Variants in NAP1L4 observed in about 807,000 individuals in gnomAD.
NAP1L4 encodes the protein nucleosome assembly protein 1-like 4.
NAP1L4 carries 15 observed loss-of-function variants against 58.2 expected under a neutral mutation model. The ratio of observed to expected loss-of-function variants is 0.26; its 90% CI spans 0.17 to 0.40. NAP1L4 has a LOEUF of 0.40. NAP1L4 is among the 10% of genes least tolerant of loss of function. The probability of loss-of-function intolerance (pLI) is 1.00; values close to 1 mark genes in which losing one functional copy is unlikely to be tolerated. For synonymous variants in NAP1L4, 171 were observed against 155.6 expected, an observed-to-expected ratio of 1.10 and a Z score of -0.74; for missense variants, 384 against 451.1, an observed-to-expected ratio of 0.85 and a Z score of 1.35.
intron 4 of NAP1L4, among the ~76,000 whole-genome samples, chr11:2,975,426 C>G (rs565729019): frequency 6.6e-6 from 1 of 152,078 alleles, no homozygotes; most frequent in Non-Finnish European, 1.5e-5. Flanking sequence ...AGCACATAGG[C>G]CTCTCTTAAG....
At chr11:2,964,643 T>C (rs776999759) in intron 8 of NAP1L4, 37 bp downstream of exon 8, 1 of 1,563,334 alleles carries the variant, frequency 6.4e-7, no homozygotes, top group Non-Finnish European at 8.8e-7. Flanking sequence ...GGACTGACCC[T>C]GTCTGATGCC....
At chr11:2,975,339 G>GTCC (rs1346362591) in intron 4 of NAP1L4, among the ~76,000 whole-genome samples, 1 of 152,050 alleles carries the variant, frequency 6.6e-6, no homozygotes, top group Non-Finnish European at 1.5e-5. Context: ...CCTTCCAGAA[G>GTCC]TAAGAGAGGT....
chr11:2,966,786 G>A (rs1160871133), intron 7 of NAP1L4, among the ~76,000 whole-genome samples: 4 of 152,126 alleles, frequency 2.6e-5, no homozygotes, highest in Non-Finnish European at 5.9e-5. Flanking sequence ...ATGGCACTGG[G>A]ACTTCAAACT....
intron 2 of NAP1L4, 82 bp from the exon 3 acceptor site, chr11:2,978,424 A>C: frequency 7.7e-7 from 1 of 1,294,374 alleles, no homozygotes; most frequent in Non-Finnish European, 1.1e-6. Context: ...TTCTTATTCA[A>C]TATATTAAGA....
intron 10 of NAP1L4, chr11:2,958,071 G>A: frequency 2.0e-6 from 1 of 488,802 alleles, no homozygotes; most frequent in Non-Finnish European, 4.0e-6. Flanking sequence ...AGGTGTCCAA[G>A]TGAGGAAGCA....
chr11:2,984,862 T>C (rs914074088), intron 1 of NAP1L4, among the ~76,000 whole-genome samples: 3 of 152,240 alleles, frequency 2.0e-5, no homozygotes, highest in Non-Finnish European at 4.4e-5. Context: ...TATTCCTTGA[T>C]ATGAAACCAA....
chr11:2,982,233 G>A (rs1261651419), intron 1 of NAP1L4, among the ~76,000 whole-genome samples: 1 of 152,136 alleles, frequency 6.6e-6, no homozygotes, highest in Non-Finnish European at 1.5e-5. Flanking sequence ...AGCATGAATG[G>A]ATTCTGATAC....
intron 4 of NAP1L4, 179 bp from the exon 5 acceptor site, chr11:2,972,422 A>G (rs1013591550): frequency 1.2e-5 from 5 of 432,822 alleles, no homozygotes; most frequent in African/African-American, 1.0e-4. Flanking sequence ...TACAGGAGGA[A>G]GCAGAAAAAA....
chr11:2,975,935 T>G (rs1168715079), intron 4 of NAP1L4, 89 bp downstream of exon 4: 1 of 1,144,702 alleles, frequency 8.7e-7, no homozygotes, highest in Non-Finnish European at 1.3e-6. Flanking sequence ...AAACATTTAA[T>G]CCTGTTCTGG....
At chr11:2,963,098 C>CAAAAAAAAAA (rs55650724) in intron 8 of NAP1L4, among the ~76,000 whole-genome samples, 16 of 97,076 alleles carry the variant, frequency 1.6e-4, no homozygotes, top group Non-Finnish European at 2.8e-4. Context: ...GACTCGGTCT[C>CAAAAAAAAAA]AAAAAAAAAA....
rs1846079618 is a variant in NAP1L4, at chr11:2,948,922, C to T, written c.*32+305G>A. On this transcript the variant is annotated intron_variant, in intron 15 of 15. Transcript: ENST00000380542. The surrounding 1 kb of genome is among the most constrained non-coding windows in gnomAD (Gnocchi z 5.1). ...GCTTATGGTGGCCCGTGTGTGCCACCGTGCAGACTGCTGACCATCCAGGGC... is the reference window on the plus strand; with the variant it reads ...GCTTATGGTGGCCCGTGTGTGCCACTGTGCAGACTGCTGACCATCCAGGGC... Among the ~76,000 whole-genome samples the T allele has an allele frequency of 6.6e-6, 1 of 152,194 alleles. No individual in the cohort carries two copies.
chr11:2,977,319 T>C (rs1010964168), intron 3 of NAP1L4, among the ~76,000 whole-genome samples: 3 of 152,258 alleles, frequency 2.0e-5, no homozygotes, highest in South Asian at 2.1e-4. Flanking sequence ...TCAATCTCAG[T>C]GTCCTTGGGC....
At position 2,978,265 on chromosome 11, in the gene NAP1L4, C is replaced by T. The variant is rs753574272; in HGVS notation, c.73+19G>A. On this transcript the variant is annotated intron_variant, in intron 3 of 15. Transcript: ENST00000380542. Reference sequence around the variant, plus strand: ...GTTCCCCATACTGGATGCAAACTCTCCATGTGCAGTGGACTGACCTGTGTT... The same window carrying T: ...GTTCCCCATACTGGATGCAAACTCTTCATGTGCAGTGGACTGACCTGTGTT... The T allele has an allele frequency of 4.3e-6, 7 of 1,612,180 alleles. No individual in the cohort carries two copies. In the South Asian group the frequency reaches 7.7e-5, roughly 18 times the overall value.
At chr11:2,977,696 G>C (rs1286377828) in intron 3 of NAP1L4, among the ~76,000 whole-genome samples, 1 of 152,020 alleles carries the variant, frequency 6.6e-6, no homozygotes, top group Non-Finnish European at 1.5e-5. Flanking sequence ...TTGTAGAATT[G>C]TTTTAGGAAA....
chr11:2,952,141 T>C (rs982611668), intron 12 of NAP1L4: 3 of 380,298 alleles, frequency 7.9e-6, no homozygotes, highest in South Asian at 8.8e-5. Flanking sequence ...AAAAGATTTT[T>C]GTAAACCGAT....
chr11:2,963,727 A>G, intron 8 of NAP1L4: 3 of 518,906 alleles, frequency 5.8e-6, no homozygotes, highest in Non-Finnish European at 1.2e-5. Context: ...CCCTACCACC[A>G]TCACCCACAC....
chr11:2,981,954 C>T, intron 1 of NAP1L4, among the ~76,000 whole-genome samples: 1 of 152,198 alleles, frequency 6.6e-6, no homozygotes, highest in East Asian at 1.9e-4. Flanking sequence ...ATGTTTGCTG[C>T]AATCACAGTA....
At position 2,977,593 on chromosome 11, in the gene NAP1L4, G is replaced by A. The variant is rs929483001; in HGVS notation, c.73+691C>T. ...TGAATAGGTGCTAGATTCGGGCGTGGGGTAAAAATTGCTGAGAAAACCAGG... is the reference window on the plus strand; with the variant it reads ...TGAATAGGTGCTAGATTCGGGCGTGAGGTAAAAATTGCTGAGAAAACCAGG... On this transcript the variant is annotated intron_variant, in intron 3 of 15. Transcript: ENST00000380542. 2.0e-5 allele frequency among the ~76,000 whole-genome samples: 3 copies of A among 152,124 alleles called. No homozygotes were observed. The East Asian group carries it at 5.8e-4, about 29-fold the overall frequency.
chr11:2,945,488 T>G lies in NAP1L4; in HGVS notation c.*191A>C, dbSNP rs1445878862. 1 of 852,276 alleles carries G rather than the reference T, an allele frequency of 1.2e-6. No homozygotes were observed. The highest frequency in any genetic ancestry group is 1.7e-5 in the African/African-American group (1 of 57,452). The allele number at this position is 852,276 out of a possible 1,614,324, so 52.8% of individuals were successfully genotyped here. ...AAAAGTGAAAGTGAAAATCATGCAC[T>G]TGAAAACGAGTTAGATGGAGTAAGC... On this transcript the variant is annotated 3_prime_UTR_variant, in exon 16 of 16. Transcript: ENST00000380542.
Sources: allele counts gnomAD v4.1 joint callset (sites outside exome capture counted in the v4.1 genomes callset), GRCh38; gene constraint gnomAD v4.1.1; non-coding constraint Gnocchi (gnomAD v3.1); transcripts MANE v1.5; gene names NCBI Gene and HGNC (gene_info 2026-07-23, HGNC 2026-07-21).